Variants in ALCAM observed in about 807,000 individuals in gnomAD.
ALCAM encodes CD166 antigen.
A neutral mutation model predicts 70.9 loss-of-function variants in ALCAM; 30 were observed. That is an observed-to-expected ratio of 0.42 (90% CI 0.32 to 0.57). The LOEUF is 0.57. Among genes scored for constraint, ALCAM ranks in the 20% least tolerant of loss-of-function variants. The pLI is 0.11. For missense variants in ALCAM, 591 were observed against 695.1 expected, an observed-to-expected ratio of 0.85 and a Z score of 1.68; for synonymous variants, 249 against 242.5, an observed-to-expected ratio of 1.03 and a Z score of -0.25.
At chr3:105,400,295 G>A (rs1034375312) in intron 1 of ALCAM, among the ~76,000 whole-genome samples, 1 of 151,924 alleles carries the variant, frequency 6.6e-6, no homozygotes, top group Non-Finnish European at 1.5e-5. Flanking sequence ...TTACTATTAG[G>A]TTTTGAAAAA....
chr3:105,494,008 G>C (rs1045316999), intron 1 of ALCAM, among the ~76,000 whole-genome samples: 3 of 152,128 alleles, frequency 2.0e-5, no homozygotes, highest in Non-Finnish European at 4.4e-5. Flanking sequence ...GGACTGCTTT[G>C]GTTGGATAAA....
At chr3:105,445,661 G>A (rs532457051) in intron 1 of ALCAM, among the ~76,000 whole-genome samples, 1 of 151,976 alleles carries the variant, frequency 6.6e-6, no homozygotes, top group Non-Finnish European at 1.5e-5. Flanking sequence ...GAATAGAGAA[G>A]ATATAAATAA....
intron 8 of ALCAM, among the ~76,000 whole-genome samples, chr3:105,544,403 TATACTTCC>T (rs1448522356): frequency 2.6e-5 from 4 of 151,432 alleles, no homozygotes; most frequent in Non-Finnish European, 5.9e-5. Flanking sequence ...CTCTGTTCTC[TATACTTCC>T]ATTAAGTCTT....
At chr3:105,545,094 T>C (rs1940211707) in intron 8 of ALCAM, 129 bp from the exon 9 acceptor site, 2 of 686,068 alleles carry the variant, frequency 2.9e-6, no homozygotes, top group East Asian at 2.9e-5. Flanking sequence ...ATTTTAGTCA[T>C]ATAAATCAGT....
chr3:105,489,550 A>G (rs1424047344), intron 1 of ALCAM, among the ~76,000 whole-genome samples: 1 of 152,226 alleles, frequency 6.6e-6, no homozygotes, highest in East Asian at 1.9e-4. Context: ...TCAACATATT[A>G]TCAAGTTTGA....
chr3:105,533,519 T>C, intron 4 of ALCAM, 84 bp from the exon 5 acceptor site: 2 of 1,143,244 alleles, frequency 1.7e-6, no homozygotes, highest in Non-Finnish European at 2.6e-6. Flanking sequence ...TTGGAATAAC[T>C]CTGCATTGCC....
At chr3:105,402,968 T>C (rs6802736) in intron 1 of ALCAM, among the ~76,000 whole-genome samples, 99,504 of 140,692 alleles carry the variant, frequency 0.71, 35,350 homozygotes, top group East Asian at 0.93. Flanking sequence ...TTTTCTTAAA[T>C]GGAGTTTTGC....
intron 1 of ALCAM, among the ~76,000 whole-genome samples, chr3:105,501,273 G>A (rs929793509): frequency 5.3e-5 from 8 of 152,130 alleles, no homozygotes; most frequent in African/African-American, 1.7e-4. Flanking sequence ...TTTGGGGTGG[G>A]GCTGTTTAGT....
intron 14 of ALCAM, among the ~76,000 whole-genome samples, chr3:105,565,597 T>C (rs1241876665): frequency 1.3e-5 from 2 of 152,232 alleles, no homozygotes; most frequent in African/African-American, 2.4e-5. Context: ...TGTAGGGTTT[T>C]ATTAATTCAT....
intron 3 of ALCAM, 32 bp from the exon 4 acceptor site, chr3:105,531,970 T>C: frequency 6.3e-7 from 1 of 1,581,156 alleles, no homozygotes; most frequent in Non-Finnish European, 8.7e-7. Flanking sequence ...TTCTTACATA[T>C]GTACTTAAAA....
intron 1 of ALCAM, among the ~76,000 whole-genome samples, chr3:105,507,351 A>C (rs1324807784): frequency 6.6e-6 from 1 of 152,156 alleles, no homozygotes; most frequent in Non-Finnish European, 1.5e-5. Flanking sequence ...ACAAACACTT[A>C]ATAATGTTTA....
chr3:105,466,278 C>A (rs1937730641), intron 1 of ALCAM, among the ~76,000 whole-genome samples: 1 of 151,358 alleles, frequency 6.6e-6, no homozygotes, highest in South Asian at 2.1e-4. Context: ...CTTGAATGTT[C>A]TCCAAGAGAG....
intron 1 of ALCAM, among the ~76,000 whole-genome samples, chr3:105,383,440 T>G (rs1935576292): frequency 1.3e-5 from 2 of 151,842 alleles, no homozygotes; most frequent in South Asian, 4.1e-4. Context: ...ACATGACAAT[T>G]GAATAAAGGC....
intron 1 of ALCAM, among the ~76,000 whole-genome samples, chr3:105,405,593 A>G (rs760481933): frequency 1.3e-5 from 2 of 152,340 alleles, no homozygotes; most frequent in Admixed American, 6.5e-5. Context: ...CAACAACTGC[A>G]GAATATACAT....
chr3:105,436,329 G>C (rs1007792175), intron 1 of ALCAM, among the ~76,000 whole-genome samples: 1 of 151,992 alleles, frequency 6.6e-6, no homozygotes, highest in African/African-American at 2.4e-5. Flanking sequence ...AGTGTAAACA[G>C]TTTATTTTAT....
At chr3:105,403,552 G>GAGC (rs1326464467) in intron 1 of ALCAM, among the ~76,000 whole-genome samples, 7 of 152,148 alleles carry the variant, frequency 4.6e-5, no homozygotes, top group African/African-American at 1.7e-4. Context: ...CACATCAAGG[G>GAGC]AGCACCCTGT....
At chr3:105,418,158 T>A (rs1398985761) in intron 1 of ALCAM, among the ~76,000 whole-genome samples, 4 of 151,844 alleles carry the variant, frequency 2.6e-5, no homozygotes, top group Non-Finnish European at 2.9e-5. Context: ...ATTCACCAAG[T>A]ATAAGCTCTA....
intron 1 of ALCAM, among the ~76,000 whole-genome samples, chr3:105,477,880 A>T (rs906766442): frequency 6.6e-6 from 1 of 152,128 alleles, no homozygotes; most frequent in Non-Finnish European, 1.5e-5. Context: ...TAGATATTTT[A>T]AATTTTACTC....
intron 1 of ALCAM, among the ~76,000 whole-genome samples, chr3:105,422,939 A>G (rs1302474375): frequency 6.6e-6 from 1 of 151,506 alleles, no homozygotes; most frequent in Non-Finnish European, 1.5e-5. Context: ...TTCGGCCTTG[A>G]AAATACAGTA....
Sources: allele counts gnomAD v4.1 joint callset (sites outside exome capture counted in the v4.1 genomes callset), GRCh38; gene constraint gnomAD v4.1.1; transcripts MANE v1.5; gene names NCBI Gene and HGNC (gene_info 2026-07-23, HGNC 2026-07-21).